KHDRBS2: variants seen among roughly 807,000 people sequenced by gnomAD.
KHDRBS2 encodes the protein KH RNA binding domain containing, signal transduction associated 2.
Under a neutral mutation model 44.3 loss-of-function variants are expected in KHDRBS2, and 26 were observed. The observed-to-expected ratio is 0.59, with a 90% CI of 0.43 to 0.81. The LOEUF (loss-of-function observed/expected upper bound fraction) is 0.81, where lower values mean the gene tolerates loss of function less well. Ranked by LOEUF, KHDRBS2 falls within the 40% of genes least tolerant of loss-of-function variation. The pLI is 0.00. For synonymous variants in KHDRBS2, 194 were observed against 151.1 expected (o/e 1.28, Z -2.08); for missense variants, 476 against 433.1 (o/e 1.10, Z -0.88).
the KHDRBS2 span, among the ~76,000 whole-genome samples, chr6:61,548,690 AG>A: frequency 1.3e-5 from 2 of 152,146 alleles, no homozygotes; most frequent in African/African-American, 4.8e-5. Context: ...GGTGACTACT[AG>A]ATAGAGATTG....
chr6:61,687,531 C>T (rs368606964), intron 8 of KHDRBS2, among the ~76,000 whole-genome samples: 21 of 151,816 alleles, frequency 1.4e-4, no homozygotes, highest in East Asian at 1.4e-3. Flanking sequence ...CACTTTTGAA[C>T]GGTAGTTCCC....
chr6:61,891,089 G>A (rs1801755309), intron 6 of KHDRBS2, among the ~76,000 whole-genome samples: 1 of 152,156 alleles, frequency 6.6e-6, no homozygotes, highest in Non-Finnish European at 1.5e-5. Context: ...GTATGTGACA[G>A]TAACTATATT....
At chr6:61,959,766 C>A (rs573287040) in intron 4 of KHDRBS2, among the ~76,000 whole-genome samples, 7 of 152,242 alleles carry the variant, frequency 4.6e-5, no homozygotes, top group Middle Eastern at 3.4e-3. Flanking sequence ...GTTAAGTCTG[C>A]ATTCACTGGC....
At chr6:61,927,283 A>T (rs997737190) in intron 4 of KHDRBS2, among the ~76,000 whole-genome samples, 10 of 152,274 alleles carry the variant, frequency 6.6e-5, no homozygotes, top group African/African-American at 1.9e-4. Context: ...TTCAAAAAAC[A>T]TATGGTATAA....
At chr6:61,900,202 CT>C (rs538441919) in intron 5 of KHDRBS2, among the ~76,000 whole-genome samples, 2 of 151,762 alleles carry the variant, frequency 1.3e-5, no homozygotes, top group Non-Finnish European at 1.5e-5. Context: ...TCTTTCTTAA[CT>C]TTTTTTTCTG....
intron 4 of KHDRBS2, among the ~76,000 whole-genome samples, chr6:61,964,430 G>C (rs1562540412): frequency 1.3e-5 from 2 of 151,922 alleles, no homozygotes; most frequent in Admixed American, 6.6e-5. Flanking sequence ...AATTTCATTA[G>C]GGAGAGAAGA....
intron 3 of KHDRBS2, among the ~76,000 whole-genome samples, chr6:62,007,477 T>TCGGGTGTA (rs1779471464): frequency 6.6e-6 from 1 of 152,032 alleles, no homozygotes; most frequent in African/African-American, 2.4e-5. Context: ...CTCTGCCTAA[T>TCGGGTGTA]CGGGTGTATG....
chr6:62,079,395 G>C (rs1796967797), intron 2 of KHDRBS2, among the ~76,000 whole-genome samples: 1 of 151,742 alleles, frequency 6.6e-6, no homozygotes, highest in Non-Finnish European at 1.5e-5. Context: ...TAGCATTATT[G>C]GACAGCCTGG....
intron 1 of KHDRBS2, among the ~76,000 whole-genome samples, chr6:62,277,698 G>A (rs1344143008): frequency 6.6e-6 from 1 of 152,158 alleles, no homozygotes; most frequent in Non-Finnish European, 1.5e-5. Context: ...GTAGTCAAAT[G>A]CAGTAGAGTA....
At chr6:62,193,583 C>G (rs1825036196) in intron 1 of KHDRBS2, among the ~76,000 whole-genome samples, 1 of 152,070 alleles carries the variant, frequency 6.6e-6, no homozygotes, top group Non-Finnish European at 1.5e-5. Flanking sequence ...TCACCCAACT[C>G]TAAAGGAGAA....
At chr6:61,829,027 C>A (rs1045117172) in intron 6 of KHDRBS2, among the ~76,000 whole-genome samples, 5 of 152,182 alleles carry the variant, frequency 3.3e-5, no homozygotes, top group Admixed American at 2.6e-4. Flanking sequence ...GCCTTTAACT[C>A]CAGAGAGTTA....
chr6:61,999,534 A>T (rs1020435424), intron 3 of KHDRBS2, among the ~76,000 whole-genome samples: 1 of 152,128 alleles, frequency 6.6e-6, no homozygotes, highest in Non-Finnish European at 1.5e-5. Flanking sequence ...GTTATGGCAC[A>T]TACCTTTGGA....
intron 1 of KHDRBS2, among the ~76,000 whole-genome samples, chr6:62,234,197 A>G (rs1209186040): frequency 6.6e-6 from 1 of 152,126 alleles, no homozygotes; most frequent in Middle Eastern, 3.2e-3. Context: ...CAAGGTAAAA[A>G]CATCTCCCAA....
intron 1 of KHDRBS2, among the ~76,000 whole-genome samples, chr6:62,224,416 G>T (rs999012424): frequency 2.6e-5 from 4 of 152,146 alleles, no homozygotes; most frequent in African/African-American, 4.8e-5. Context: ...GGGTGTGTGT[G>T]TGTGTAAAGT....
At chr6:61,979,277 TAACATAAATAAC>T (rs1231974839) in intron 3 of KHDRBS2, among the ~76,000 whole-genome samples, 5 of 152,270 alleles carry the variant, frequency 3.3e-5, no homozygotes, top group African/African-American at 1.2e-4. Context: ...GCAGAAAAGT[TAACATAAATAAC>T]ATTAATTATG....
At chr6:62,050,175 C>CA (rs1584366882) in intron 2 of KHDRBS2, among the ~76,000 whole-genome samples, 1 of 152,006 alleles carries the variant, frequency 6.6e-6, no homozygotes, top group East Asian at 1.9e-4. Context: ...CCATCATTCT[C>CA]AGCAAACTGA....
chr6:62,003,386 T>G (rs1778627629), intron 3 of KHDRBS2, among the ~76,000 whole-genome samples: 1 of 152,178 alleles, frequency 6.6e-6, no homozygotes. Flanking sequence ...TAAAATGTAA[T>G]TCTTGTTAGC....
chr6:61,683,193 G>A (rs79598403), intron 8 of KHDRBS2, among the ~76,000 whole-genome samples: 6,587 of 151,700 alleles, frequency 0.043, 156 homozygotes, highest in East Asian at 0.086. Flanking sequence ...AATCATGAGC[G>A]GAGTGACAGA....
At position 62,139,660 on chromosome 6, in the gene KHDRBS2, T is replaced by C. The variant is rs1282116747; in HGVS notation, c.219+37525A>G. On this transcript the variant is annotated intron_variant, in intron 2 of 8. Transcript: ENST00000281156. ...CCATCTCTTAAATATTGATTCAATATACATATTTCACATTATATAACACCC... is the reference window on the plus strand; with the variant it reads ...CCATCTCTTAAATATTGATTCAATACACATATTTCACATTATATAACACCC... 2.6e-5 allele frequency among the ~76,000 whole-genome samples: 4 copies of C among 152,172 alleles called. No individual in the cohort carries two copies. The South Asian group carries it at 6.2e-4, about 24-fold the overall frequency.
Sources: gnomAD v4.1 joint callset for allele counts (sites outside exome capture counted in the v4.1 genomes callset) on GRCh38, gnomAD v4.1.1 for gene constraint, MANE v1.5 for transcripts, NCBI Gene and HGNC (gene_info 2026-07-23, HGNC 2026-07-21) for gene names.